The following SEMA5A variants were observed in gnomAD, a reference collection of about 807,000 sequenced individuals.
SEMA5A encodes semaphorin-5A.
Under a neutral mutation model 135.5 loss-of-function variants are expected in SEMA5A, and 55 were observed. The observed-to-expected ratio is 0.41, with a 90% CI of 0.33 to 0.51. The LOEUF is 0.51. Among genes scored for constraint, SEMA5A ranks in the 20% least tolerant of loss-of-function variants. The probability of loss-of-function intolerance (pLI) is 0.37; values close to 1 mark genes in which losing one functional copy is unlikely to be tolerated. For synonymous variants in SEMA5A, 580 were observed against 546.5 expected, an observed-to-expected ratio of 1.06 and a Z score of -0.85; for missense variants, 1,290 against 1,419.9, an observed-to-expected ratio of 0.91 and a Z score of 1.47.
chr5:9,295,298 C>A (rs757165950), intron 5 of SEMA5A, among the ~76,000 whole-genome samples: 13 of 152,204 alleles, frequency 8.5e-5, no homozygotes, highest in Admixed American at 1.3e-4. Flanking sequence ...AGACAGTAAG[C>A]CTCTCATCCT....
intron 3 of SEMA5A, among the ~76,000 whole-genome samples, chr5:9,351,213 G>C (rs1322557845): frequency 2.0e-5 from 3 of 151,988 alleles, no homozygotes; most frequent in Non-Finnish European, 4.4e-5. Context: ...GATCAAGCTT[G>C]AAACTTCTTT....
chr5:9,291,595 GAGAGAGAGAA>G (rs1431311096), intron 5 of SEMA5A, among the ~76,000 whole-genome samples: 1 of 119,756 alleles, frequency 8.4e-6, no homozygotes, highest in African/African-American at 2.6e-5. Flanking sequence ...GAAAGAGAGA[GAGAGAGAGAA>G]AGAGAGAGAG....
intron 1 of SEMA5A, among the ~76,000 whole-genome samples, chr5:9,488,670 C>A (rs1182120902): frequency 6.6e-6 from 1 of 152,018 alleles, no homozygotes; most frequent in East Asian, 1.9e-4. Flanking sequence ...TCTCACGCAG[C>A]CCTTGTGTGT....
At chr5:9,130,361 C>CA (rs1296488948) in intron 13 of SEMA5A, among the ~76,000 whole-genome samples, 8 of 152,106 alleles carry the variant, frequency 5.3e-5, no homozygotes, top group African/African-American at 1.9e-4. Context: ...TAGAATGTAA[C>CA]AAAACAGAAT....
At chr5:9,505,674 C>G (rs185017950) in intron 1 of SEMA5A, among the ~76,000 whole-genome samples, 1 of 152,202 alleles carries the variant, frequency 6.6e-6, no homozygotes, top group Non-Finnish European at 1.5e-5. Flanking sequence ...GAAGGAGAAC[C>G]TTGCAGGTGG....
intron 11 of SEMA5A, among the ~76,000 whole-genome samples, chr5:9,176,171 C>T (rs1744192797): frequency 6.6e-6 from 1 of 152,040 alleles, no homozygotes; most frequent in South Asian, 2.1e-4. Flanking sequence ...AGTGAAAAAC[C>T]CTAAAGGGAA....
chr5:9,530,887 G>A (rs922504767), intron 1 of SEMA5A, among the ~76,000 whole-genome samples: 46 of 152,108 alleles, frequency 3.0e-4, no homozygotes, highest in African/African-American at 1.1e-3. Context: ...AGAATGTGCC[G>A]CCAGTCAGCA....
chr5:9,208,017 C>T (rs993897400), intron 8 of SEMA5A, among the ~76,000 whole-genome samples: 1 of 152,092 alleles, frequency 6.6e-6, no homozygotes, highest in Non-Finnish European at 1.5e-5. Flanking sequence ...CTCAATACTT[C>T]CACCTACTGG....
intron 2 of SEMA5A, among the ~76,000 whole-genome samples, chr5:9,402,572 G>A (rs562700146): frequency 2.0e-4 from 31 of 152,312 alleles, no homozygotes; most frequent in African/African-American, 5.8e-4. Context: ...ACCTGTCAAG[G>A]TTTTGGGGTT....
At chr5:9,488,365 G>C (rs574531133) in intron 1 of SEMA5A, among the ~76,000 whole-genome samples, 1 of 152,174 alleles carries the variant, frequency 6.6e-6, no homozygotes, top group Non-Finnish European at 1.5e-5. Flanking sequence ...TACATCTTGC[G>C]TGATGTTTAA....
At chr5:9,238,676 T>C (rs1232549087) in intron 5 of SEMA5A, among the ~76,000 whole-genome samples, 1 of 150,886 alleles carries the variant, frequency 6.6e-6, no homozygotes, top group Non-Finnish European at 1.5e-5. Context: ...AATAGTTTTT[T>C]GCGCAAATTG....
intron 16 of SEMA5A, among the ~76,000 whole-genome samples, chr5:9,089,107 G>C (rs1198351101): frequency 6.6e-6 from 1 of 152,190 alleles, no homozygotes; most frequent in African/African-American, 2.4e-5. Context: ...TGAGACTTGA[G>C]AAGACTGTAC....
chr5:9,263,037 A>G (rs1283475385), intron 5 of SEMA5A, among the ~76,000 whole-genome samples: 2 of 149,818 alleles, frequency 1.3e-5, no homozygotes, highest in Non-Finnish European at 2.9e-5. Context: ...CATTCTGTCA[A>G]TAGAAAAAAA....
At chr5:9,479,145 C>A (rs1030057632) in intron 1 of SEMA5A, among the ~76,000 whole-genome samples, 1 of 152,186 alleles carries the variant, frequency 6.6e-6, no homozygotes, top group Non-Finnish European at 1.5e-5. Context: ...AGTCCCCCTC[C>A]AGCCATTCAG....
At chr5:9,145,037 T>C (rs541858458) in intron 12 of SEMA5A, among the ~76,000 whole-genome samples, 21 of 151,904 alleles carry the variant, frequency 1.4e-4, no homozygotes, top group African/African-American at 4.3e-4. Context: ...TTTTTTTTTT[T>C]CCTTCTCTTT....
Position 9,050,334 on chromosome 5 carries a change from T to C in SEMA5A, c.2893+76A>G, listed in dbSNP as rs1446959697. ...TCTTGGCCAAGAGGCAGAAAAATTA[T>C]AGAAAACATGCAGGAAGGGAAATGA... On this transcript the variant is annotated intron_variant, in intron 21 of 22. Coordinates refer to ENST00000382496, the MANE Select transcript of SEMA5A (RefSeq NM_003966.3). 8 of 1,361,500 alleles carry C rather than the reference T, an allele frequency of 5.9e-6. No homozygotes were observed. The East Asian group carries it at 2.0e-4, about 34-fold the overall frequency. 84.3% of individuals were successfully genotyped at this position (1,361,500 alleles called of 1,614,324 possible). A position where few individuals can be genotyped will look rare whatever the true frequency, so the allele number is the denominator to read the frequency against.
intron 8 of SEMA5A, among the ~76,000 whole-genome samples, chr5:9,202,848 A>C (rs1270458639): frequency 6.6e-6 from 1 of 152,202 alleles, no homozygotes; most frequent in Non-Finnish European, 1.5e-5. Context: ...ACCATGGAAT[A>C]GTGAAAAACA....
intron 11 of SEMA5A, among the ~76,000 whole-genome samples, chr5:9,189,287 G>A (rs774812932): frequency 2.0e-5 from 3 of 152,046 alleles, no homozygotes; most frequent in Non-Finnish European, 4.4e-5. Context: ...CCACTAGAAC[G>A]TAAGGTCCAG....
chr5:9,406,312 G>A (rs1418419124), intron 2 of SEMA5A, among the ~76,000 whole-genome samples: 1 of 152,078 alleles, frequency 6.6e-6, no homozygotes, highest in Admixed American at 6.5e-5. Context: ...CTGGCCAGTG[G>A]GAATAGTCAC....
Sources: allele counts gnomAD v4.1 joint callset (sites outside exome capture counted in the v4.1 genomes callset), GRCh38; gene constraint gnomAD v4.1.1; transcripts MANE v1.5; gene names NCBI Gene and HGNC (gene_info 2026-07-23, HGNC 2026-07-21).